STAMBP: variants seen among roughly 807,000 people sequenced by gnomAD.
STAMBP encodes STAM binding protein.
A neutral mutation model predicts 50.7 loss-of-function variants in STAMBP; 31 were observed. The ratio of observed to expected loss-of-function variants is 0.61; its 90% CI spans 0.46 to 0.83. STAMBP has a LOEUF of 0.83. STAMBP is among the 40% of genes least tolerant of loss of function. The probability of loss-of-function intolerance (pLI) is 0.00; values close to 1 mark genes in which losing one functional copy is unlikely to be tolerated. For synonymous variants in STAMBP, 211 were observed against 192.4 expected (o/e 1.10, Z -0.80); for missense variants, 472 against 518.9 (o/e 0.91, Z 0.88).
chr2:73,851,358 T>C (rs1289768042), intron 7 of STAMBP, among the ~76,000 whole-genome samples: 2 of 152,190 alleles, frequency 1.3e-5, no homozygotes, highest in Non-Finnish European at 2.9e-5. Flanking sequence ...TTGAGTAAGG[T>C]ATGATTTTAG....
rs202100019 is a variant in STAMBP at position 73,850,446 on chromosome 2, C to T, written c.938C>T (p.Thr313Ile). Reference protein sequence around the residue: ...KQSAGSDYCNTENEEELFLIQ... With the variant: ...KQSAGSDYCNIENEEELFLIQ... ...AGTGCTGGGTCTGATTACTGCAACA[C>T]AGAGAACGAAGAAGAACTTTTCCTC... The change falls in exon 7 of 10, where the codon ACA (threonine) becomes ATA (isoleucine). Residue 313 changes from threonine (T) to isoleucine (I), a missense_variant. By Grantham distance (89) the Thr-to-Ile change is moderately conservative (BLOSUM62 -1). Coordinates refer to ENST00000394070, the MANE Select transcript of STAMBP (RefSeq NM_213622.4). The surrounding 1 kb of genome is among the most constrained non-coding windows in gnomAD (Gnocchi z 4.3). 6.2e-7 allele frequency: 1 copy of T among 1,613,918 alleles called. No individual in the cohort carries two copies. Among genetic ancestry groups the T allele is most frequent in the Non-Finnish European group, 8.5e-7 (1 of 1,179,948 alleles).
chr2:73,860,686 A>G (rs1678232720), intron 9 of STAMBP: 1 of 361,332 alleles, frequency 2.8e-6, no homozygotes, highest in Admixed American at 6.5e-5. Flanking sequence ...TCTGTGAATA[A>G]AAAGTTTAGT....
At chr2:73,852,845 T>TTGTGTG (rs55727735) in intron 7 of STAMBP, among the ~76,000 whole-genome samples, 4,165 of 127,642 alleles carry the variant, frequency 0.033, 117 homozygotes, top group Middle Eastern at 0.062. Context: ...GCCTGGCTAA[T>TTGTGTG]TGTGTGTGTG....
chr2:73,830,534 CT>C (rs1334298617), intron 1 of STAMBP, among the ~76,000 whole-genome samples: 13 of 152,216 alleles, frequency 8.5e-5, no homozygotes, highest in Non-Finnish European at 1.6e-4. Flanking sequence ...GCGGAGCCCC[CT>C]AATGGCAAAG....
chr2:73,832,409 C>T (rs368334103), intron 2 of STAMBP, among the ~76,000 whole-genome samples: 18 of 150,602 alleles, frequency 1.2e-4, no homozygotes, highest in East Asian at 3.9e-4. Context: ...GAGCCGAGAT[C>T]GTGCCACTGC....
intron 7 of STAMBP, among the ~76,000 whole-genome samples, chr2:73,854,903 C>G (rs1479103933): frequency 6.6e-6 from 1 of 152,122 alleles, no homozygotes; most frequent in Non-Finnish European, 1.5e-5. Context: ...GCAGGAAGAT[C>G]GCTTGAGACT....
intron 4 of STAMBP, among the ~76,000 whole-genome samples, chr2:73,846,651 C>A (rs1676101919): frequency 6.6e-6 from 1 of 150,960 alleles, no homozygotes; most frequent in South Asian, 2.1e-4. Flanking sequence ...TCAGTAGAGA[C>A]CCCCAAGATA....
chr2:73,873,559 G>A (rs1370239899), exon 11 of STAMBP: 1 of 152,208 alleles, frequency 6.6e-6, no homozygotes, highest in Non-Finnish European at 1.5e-5. Flanking sequence ...TTGATCTGTA[G>A]CCTTTCTTTC....
intron 7 of STAMBP, among the ~76,000 whole-genome samples, chr2:73,857,452 A>G (rs1183765931): frequency 1.3e-5 from 2 of 151,976 alleles, no homozygotes; most frequent in African/African-American, 4.8e-5. Flanking sequence ...GCTGCCTAAC[A>G]TCTTCCACTG....
intron 2 of STAMBP, among the ~76,000 whole-genome samples, chr2:73,836,075 G>A (rs933338869): frequency 6.6e-6 from 1 of 151,736 alleles, no homozygotes; most frequent in Non-Finnish European, 1.5e-5. Flanking sequence ...CTAAAAATAC[G>A]CCTTTAGAGA....
At chr2:73,868,035 A>G (rs1256349666), downstream of STAMBP, among the ~76,000 whole-genome samples, 1 of 151,842 alleles carries the variant, frequency 6.6e-6, no homozygotes, top group African/African-American at 2.4e-5. Flanking sequence ...GAGGCAGGAG[A>G]ATCGTTTGAG....
chr2:73,859,271 C>T lies in STAMBP; in HGVS notation c.1023C>T (p.Thr341=), dbSNP rs200109176. 20 of 1,613,462 alleles carry T rather than the reference C, an allele frequency of 1.2e-5. No individual in the cohort carries two copies. Among genetic ancestry groups the T allele is most frequent in the African/African-American group, 4.0e-5 (3 of 74,756 alleles). ...LGWIHTHPTQ[T]AFLSSVDLHT... is the part of the protein sequence containing the mutation. ...CTCCTCAGACTCACCCCACACAGACCGCGTTTCTCTCCAGTGTCGACCTAC... is the reference window on the plus strand; with the variant it reads ...CTCCTCAGACTCACCCCACACAGACTGCGTTTCTCTCCAGTGTCGACCTAC... The change falls in exon 8 of 10, where the codon ACC becomes ACT. Residue 341 remains threonine (T), a synonymous_variant. Transcript: ENST00000394070.
Position 73,862,887 on chromosome 2 carries a change from T to G in STAMBP, c.*628T>G, listed in dbSNP as rs1422819434. ...ACAATAAAGTAACAATTAACTTATG[T>G]TTTTGTGCTTCAGAGTGATCCATTT... On this transcript the variant is annotated 3_prime_UTR_variant, in exon 10 of 10. Transcript: ENST00000394070. 6.6e-6 allele frequency: 1 copy of G among 152,552 alleles called. No homozygotes were observed. Among genetic ancestry groups the G allele is most frequent in the Non-Finnish European group, 1.5e-5 (1 of 68,036 alleles). The allele number at this position is 152,552 out of a possible 1,614,324, so 9.4% of individuals were successfully genotyped here.
At chr2:73,840,985 C>T (rs566872735) in intron 2 of STAMBP, among the ~76,000 whole-genome samples, 201 of 152,110 alleles carry the variant, frequency 1.3e-3, no homozygotes, top group African/African-American at 4.6e-3. Context: ...TTTGCCAATC[C>T]GATGGATGAA....
intron 10 of STAMBP, among the ~76,000 whole-genome samples, chr2:73,872,596 A>G (rs1257812257): frequency 6.6e-6 from 1 of 152,240 alleles, no homozygotes; most frequent in African/African-American, 2.4e-5. Flanking sequence ...TTCATGATCA[A>G]TGAGTGTACG....
At chr2:73,829,809 A>G (rs1328127705) in intron 1 of STAMBP, among the ~76,000 whole-genome samples, 1 of 152,232 alleles carries the variant, frequency 6.6e-6, no homozygotes, top group Admixed American at 6.5e-5. Flanking sequence ...AGTAGAAAAG[A>G]AAAACTGGAT....
At chr2:73,858,194 C>T (rs1677828773) in intron 7 of STAMBP, among the ~76,000 whole-genome samples, 1 of 116,146 alleles carries the variant, frequency 8.6e-6, no homozygotes, top group African/African-American at 3.5e-5. Flanking sequence ...TTAGTAGAGA[C>T]AGGGTTTCAC....
intron 9 of STAMBP, among the ~76,000 whole-genome samples, chr2:73,861,344 T>C (rs1364948924): frequency 6.6e-6 from 1 of 152,166 alleles, no homozygotes; most frequent in Non-Finnish European, 1.5e-5. Flanking sequence ...ATATACATTT[T>C]AAAAATAAAC....
rs141477697 is a variant in STAMBP at position 73,829,526 on chromosome 2, A to G, written c.-13+16A>G. ...CTCCCAAGAGGTACTGAGATGCAACAAGCATCCTCTGTTTCAGTTAACTTT... is the reference window on the plus strand; with the variant it reads ...CTCCCAAGAGGTACTGAGATGCAACGAGCATCCTCTGTTTCAGTTAACTTT... On this transcript the variant is annotated intron_variant, in intron 1 of 9. Transcript: ENST00000394070. 3 of 152,276 alleles carry G rather than the reference A, an allele frequency of 2.0e-5. No individual in the cohort carries two copies. The highest frequency in any genetic ancestry group is 7.2e-5 in the African/African-American group (3 of 41,552). The allele number at this position is 152,276 out of a possible 1,614,324, so 9.4% of individuals were successfully genotyped here. A position where few individuals can be genotyped will look rare whatever the true frequency, so the allele number is the denominator to read the frequency against.
Sources: gnomAD v4.1 joint callset for allele counts (sites outside exome capture counted in the v4.1 genomes callset) on GRCh38, gnomAD v4.1.1 for gene constraint, Gnocchi (gnomAD v3.1) non-coding constraint, MANE v1.5 for transcripts, NCBI Gene and HGNC (gene_info 2026-07-23, HGNC 2026-07-21) for gene names.